Variants in PIGN observed in about 807,000 individuals in gnomAD.
PIGN encodes the protein GPI ethanolamine phosphate transferase 1.
PIGN carries 117 observed loss-of-function variants against 125.4 expected under a neutral mutation model. The observed-to-expected ratio is 0.93, with a 90% CI of 0.80 to 1.09. The LOEUF is 1.09. PIGN is among the 50% of genes least tolerant of loss of function. PIGN has a pLI of 0.00. For missense variants in PIGN, 1,075 were observed against 1,094.9 expected (o/e 0.98, Z 0.26); for synonymous variants, 392 against 377.8 (o/e 1.04, Z -0.44).
intron 1 of PIGN, among the ~76,000 whole-genome samples, chr18:62,169,976 CA>C (rs890772358): frequency 2.6e-5 from 4 of 152,152 alleles, no homozygotes; most frequent in Admixed American, 2.6e-4. Flanking sequence ...AATTGTTGTA[CA>C]ACTTTACATT....
chr18:62,159,015 G>A (rs1322436510), intron 4 of PIGN, among the ~76,000 whole-genome samples: 2 of 152,220 alleles, frequency 1.3e-5, no homozygotes, highest in Admixed American at 6.5e-5. Context: ...ACTTTGGGAA[G>A]CTGAGGCAGG....
intron 1 of PIGN, among the ~76,000 whole-genome samples, chr18:62,172,420 T>C (rs2037373298): frequency 6.6e-6 from 1 of 152,172 alleles, no homozygotes. Context: ...ATGGCATATT[T>C]AGATTTACAG....
intron 1 of PIGN, among the ~76,000 whole-genome samples, chr18:62,164,838 T>C (rs556987897): frequency 6.6e-6 from 1 of 152,312 alleles, no homozygotes; most frequent in Admixed American, 6.5e-5. Flanking sequence ...ATTAGAAAGC[T>C]AGTTAGTATG....
downstream of PIGN, among the ~76,000 whole-genome samples, chr18:62,038,301 C>T (rs1485856226): frequency 7.7e-6 from 1 of 130,316 alleles, no homozygotes; most frequent in East Asian, 2.2e-4. Context: ...ATTCAATCCC[C>T]CTCCGTGTTT....
At position 62,045,720 on chromosome 18, in the gene PIGN, G is replaced by T; in HGVS notation, c.*136C>A. The T allele has an allele frequency of 1.3e-6, 1 of 765,444 alleles. No homozygotes were observed. The highest frequency in any genetic ancestry group is 3.0e-5 in the South Asian group (1 of 33,812). The allele number at this position is 765,444 out of a possible 1,614,324, so 47.4% of individuals were successfully genotyped here. A position where few individuals can be genotyped will look rare whatever the true frequency, so the allele number is the denominator to read the frequency against. ...TTTGTTCCAGATAACCTGTCAATTC[G>T]GAATTCCAAATACCATTTTCCTTAC... On this transcript the variant is annotated 3_prime_UTR_variant, in exon 31 of 31. Transcript: ENST00000640252.
chr18:62,100,885 T>C (rs1031140534), intron 22 of PIGN, among the ~76,000 whole-genome samples, 190 bp downstream of exon 22: 4 of 152,154 alleles, frequency 2.6e-5, no homozygotes, highest in African/African-American at 9.7e-5. Context: ...AATTATCTTG[T>C]TAACACATGC....
intron 20 of PIGN, among the ~76,000 whole-genome samples, chr18:62,104,682 C>T (rs1283485412): frequency 6.6e-6 from 1 of 152,096 alleles, no homozygotes; most frequent in Non-Finnish European, 1.5e-5. Flanking sequence ...TAAATCAGCA[C>T]ATATTTTTAC....
rs373385473 is a variant in PIGN at position 62,114,359 on chromosome 18, C to CAAA, written c.1251+199_1251+201dup. 5.0e-4 allele frequency among the ~76,000 whole-genome samples: 56 copies of CAAA among 111,394 alleles called. 1 individual carries two copies. The highest frequency in any genetic ancestry group is 6.9e-4 in the Non-Finnish European group (38 of 54,790). The allele number at this position is 111,394 out of a possible 152,430, so 73.1% of individuals were successfully genotyped here. On this transcript the variant is annotated intron_variant, in intron 15 of 30. Transcript: ENST00000640252. Reference sequence around the variant, plus strand: ...CCTGGGCAACAGCGACACTCTGTCTCAAAAAAAAAAAAAAAAATTTACCCA... The same window carrying CAAA: ...CCTGGGCAACAGCGACACTCTGTCTCAAAAAAAAAAAAAAAAAAAATTTACCCA...
At chr18:62,113,997 A>G (rs545309968) in intron 15 of PIGN, among the ~76,000 whole-genome samples, 1 of 152,320 alleles carries the variant, frequency 6.6e-6, no homozygotes, top group South Asian at 2.1e-4. Flanking sequence ...ATACATTAAG[A>G]AGGGTGACAC....
chr18:62,181,291 TA>T (rs2037707405), intron 1 of PIGN, among the ~76,000 whole-genome samples: 2 of 152,124 alleles, frequency 1.3e-5, no homozygotes, highest in South Asian at 2.1e-4. Flanking sequence ...TCAGTATTAA[TA>T]AAAAAAATTT....
intron 30 of PIGN, among the ~76,000 whole-genome samples, chr18:62,067,294 C>A (rs1599438944): frequency 1.3e-5 from 2 of 152,154 alleles, no homozygotes; most frequent in African/African-American, 4.8e-5. Flanking sequence ...CTCATTTCAA[C>A]TTTTAGTTTT....
chr18:62,098,080 T>C (rs2034285384), intron 22 of PIGN, among the ~76,000 whole-genome samples: 1 of 152,184 alleles, frequency 6.6e-6, no homozygotes, highest in South Asian at 2.1e-4. Context: ...GAGATAACAT[T>C]AAAAAGTTGT....
intron 1 of PIGN, among the ~76,000 whole-genome samples, chr18:62,167,309 T>C (rs1355160032): frequency 2.3e-5 from 1 of 42,696 alleles, no homozygotes; most frequent in Non-Finnish European, 8.2e-5. Flanking sequence ...TGTGTGTGTG[T>C]GTGTGTGTGT....
chr18:62,180,472 C>G (rs925246874), intron 1 of PIGN, among the ~76,000 whole-genome samples: 3 of 152,136 alleles, frequency 2.0e-5, no homozygotes, highest in Admixed American at 2.0e-4. Flanking sequence ...CAGCAATGTA[C>G]GAAAGCTTCT....
At chr18:62,148,011 T>A (rs2147307105) in intron 8 of PIGN, among the ~76,000 whole-genome samples, 1 of 152,214 alleles carries the variant, frequency 6.6e-6, no homozygotes, top group African/African-American at 2.4e-5. Context: ...ATTTTACTTA[T>A]ATTAATGTGC....
At chr18:62,118,490 T>C (rs1047947366) in intron 14 of PIGN, 2 of 152,196 alleles carry the variant, frequency 1.3e-5, no homozygotes, top group Middle Eastern at 3.4e-3. Context: ...AAACTGTAAC[T>C]CTGAGGGAAT....
At chr18:62,034,698 T>C (rs370289073) in intron 23 of PIGN, among the ~76,000 whole-genome samples, 3 of 152,304 alleles carry the variant, frequency 2.0e-5, no homozygotes, top group African/African-American at 7.2e-5. Context: ...ACTTCTCCCA[T>C]TTGAAACAGG....
chr18:62,123,996 G>A (rs1386793446), intron 14 of PIGN, among the ~76,000 whole-genome samples: 3 of 151,758 alleles, frequency 2.0e-5, no homozygotes, highest in Admixed American at 2.0e-4. Context: ...AACTAATTAT[G>A]AGCCCTAATG....
chr18:62,054,629 C>G (rs898024159), intron 30 of PIGN, among the ~76,000 whole-genome samples: 10 of 151,474 alleles, frequency 6.6e-5, no homozygotes, highest in Non-Finnish European at 1.2e-4. Flanking sequence ...GTAGCTGAGA[C>G]CACAGGCATG....
Sources: allele counts gnomAD v4.1 joint callset (sites outside exome capture counted in the v4.1 genomes callset), GRCh38; gene constraint gnomAD v4.1.1; transcripts MANE v1.5; gene names NCBI Gene and HGNC (gene_info 2026-07-23, HGNC 2026-07-21).